The following FOXK2 variants were observed in gnomAD, a reference collection of about 807,000 sequenced individuals.
FOXK2 encodes forkhead box K2.
In FOXK2, 24 loss-of-function variants were observed where a neutral mutation model predicts 53.3. The ratio of observed to expected loss-of-function variants is 0.45; its 90% confidence interval spans 0.33 to 0.63. FOXK2 has a LOEUF of 0.63. Ranked by LOEUF, FOXK2 falls within the 30% of genes least tolerant of loss-of-function variation. The pLI, the probability that FOXK2 is intolerant of heterozygous loss-of-function variation, is 0.03. For missense variants in FOXK2, 952 were observed against 910.5 expected, an observed-to-expected ratio of 1.05 and a Z score of -0.59; for synonymous variants, 505 against 407.1, an observed-to-expected ratio of 1.24 and a Z score of -2.89.
At chr17:82,539,740 G>C (rs911520561) in intron 1 of FOXK2, among the ~76,000 whole-genome samples, 1 of 152,054 alleles carries the variant, frequency 6.6e-6, no homozygotes, top group African/African-American at 2.4e-5. Flanking sequence ...TGAGGTGACT[G>C]GATCACCTGA....
chr17:82,586,676 C>T (rs909625067), intron 7 of FOXK2, among the ~76,000 whole-genome samples: 6 of 151,938 alleles, frequency 3.9e-5, no homozygotes, highest in East Asian at 3.9e-4. Context: ...CTGAGACGGT[C>T]GGATCACCTG....
At chr17:82,589,156 A>C (rs1485503751) in intron 8 of FOXK2, among the ~76,000 whole-genome samples, 1 of 152,200 alleles carries the variant, frequency 6.6e-6, no homozygotes, top group East Asian at 1.9e-4. Context: ...ACTATTGAAA[A>C]TATTGATGTT....
At chr17:82,593,935 C>T (rs1349224139) in intron 8 of FOXK2, 1 of 152,342 alleles carries the variant, frequency 6.6e-6, no homozygotes, top group Non-Finnish European at 1.5e-5. Flanking sequence ...GCAGCGGGAT[C>T]AGGCCACGCG....
At chr17:82,543,437 G>A (rs1019093016) in intron 1 of FOXK2, among the ~76,000 whole-genome samples, 3 of 152,182 alleles carry the variant, frequency 2.0e-5, no homozygotes, top group African/African-American at 4.8e-5. Flanking sequence ...TCAGTGTTGT[G>A]TGAGCACCTG....
At chr17:82,567,314 T>A (rs987184979) in intron 2 of FOXK2, among the ~76,000 whole-genome samples, 1 of 152,226 alleles carries the variant, frequency 6.6e-6, no homozygotes, top group African/African-American at 2.4e-5. Flanking sequence ...GTGCAGAAAA[T>A]GAGGCATGGA....
intron 4 of FOXK2, among the ~76,000 whole-genome samples, chr17:82,577,597 C>T (rs1057351036): frequency 6.6e-6 from 1 of 152,202 alleles, no homozygotes; most frequent in South Asian, 2.1e-4. Flanking sequence ...GCCAAGGTCT[C>T]GGTGACTCCA....
chr17:82,529,822 A>G lies in FOXK2; in HGVS notation c.419+9515A>G, dbSNP rs1439301539. 3.9e-5 allele frequency among the ~76,000 whole-genome samples: 6 copies of G among 152,350 alleles called. No homozygotes were observed. In the East Asian group the frequency reaches 9.6e-4, roughly 24 times the overall value. On this transcript the variant is annotated intron_variant, in intron 1 of 8. Transcript: ENST00000335255. Reference sequence around the variant, plus strand: ...TTGCTATCCCTGGTTGTAAGAAGATACAACTAGGTCCCTTAAGGCAGTAGT... The same window carrying G: ...TTGCTATCCCTGGTTGTAAGAAGATGCAACTAGGTCCCTTAAGGCAGTAGT...
chr17:82,599,711 C>T (rs2045361057), intron 8 of FOXK2: 1 of 152,294 alleles, frequency 6.6e-6, no homozygotes, highest in South Asian at 2.1e-4. Flanking sequence ...TGGCCGGACT[C>T]ACATCCGCTC....
intron 4 of FOXK2, among the ~76,000 whole-genome samples, chr17:82,580,322 A>G (rs112932708): frequency 2.1e-5 from 2 of 95,016 alleles, no homozygotes; most frequent in Non-Finnish European, 2.2e-5. Flanking sequence ...AAGTAGCTCC[A>G]TCCACAGGGC....
At chr17:82,542,627 A>T (rs987258270) in intron 1 of FOXK2, among the ~76,000 whole-genome samples, 3 of 152,146 alleles carry the variant, frequency 2.0e-5, no homozygotes, top group Non-Finnish European at 4.4e-5. Context: ...GCAGAAGGGC[A>T]GTTTTGGTGT....
chr17:82,587,012 T>G, intron 7 of FOXK2, 51 bp from the exon 8 acceptor site: 1 of 1,568,950 alleles, frequency 6.4e-7, no homozygotes, highest in Non-Finnish European at 8.8e-7. Flanking sequence ...TGGCAAGATT[T>G]TTATTTGCTT....
intron 5 of FOXK2, 152 bp downstream of exon 5, chr17:82,583,086 G>A: frequency 1.7e-6 from 1 of 590,098 alleles, no homozygotes; most frequent in Non-Finnish European, 2.7e-6. Context: ...GTTGGGTGCT[G>A]CCCAGGTGTT....
chr17:82,530,073 T>C (rs1309987495), intron 1 of FOXK2, among the ~76,000 whole-genome samples: 1 of 152,232 alleles, frequency 6.6e-6, no homozygotes, highest in East Asian at 1.9e-4. Flanking sequence ...GTGACGTCAT[T>C]GTTAGCACAG....
At position 82,604,186 on chromosome 17, in the gene FOXK2, C is replaced by T. The variant is rs757060372; in HGVS notation, c.*2687C>T. ...GCCCAACTTCTGAGCTCCTCAGGGA[C>T]TAGGAACAATTTCAGTAGCTTTGCC... On this transcript the variant is annotated 3_prime_UTR_variant, in exon 9 of 9. Transcript: ENST00000335255. 1.2e-4 allele frequency: 18 copies of T among 152,234 alleles called. No individual in the cohort carries two copies. The highest frequency in any genetic ancestry group is 2.4e-4 in the Non-Finnish European group (16 of 68,072). 9.4% of individuals were successfully genotyped at this position (152,234 alleles called of 1,614,324 possible).
intron 1 of FOXK2, among the ~76,000 whole-genome samples, chr17:82,537,779 G>A (rs113281103): frequency 1.3e-3 from 193 of 151,862 alleles, no homozygotes; most frequent in African/African-American, 4.3e-3. Flanking sequence ...AAAATTAGCC[G>A]GGCGTGGTGG....
chr17:82,529,546 C>G (rs1410266728), intron 1 of FOXK2, among the ~76,000 whole-genome samples: 1 of 152,070 alleles, frequency 6.6e-6, no homozygotes, highest in Non-Finnish European at 1.5e-5. Context: ...CGTGCCCACT[C>G]CCAGCTAATT....
chr17:82,529,536 C>T (rs56081003), intron 1 of FOXK2, among the ~76,000 whole-genome samples: 26,828 of 151,892 alleles, frequency 0.18, 2,748 homozygotes, highest in Non-Finnish European at 0.24. Context: ...ATTACAGGCG[C>T]GTGCCCACTC....
chr17:82,566,226 TTGTG>T (rs1173368537), intron 2 of FOXK2, among the ~76,000 whole-genome samples: 2 of 151,924 alleles, frequency 1.3e-5, no homozygotes, highest in Non-Finnish European at 2.9e-5. Context: ...AAATTTTATG[TTGTG>T]TGTATTTTAC....
chr17:82,594,495 CA>C (rs67410458), intron 8 of FOXK2, among the ~76,000 whole-genome samples: 16,145 of 116,486 alleles, frequency 0.14, 787 homozygotes, highest in South Asian at 0.16. Flanking sequence ...GAGACTGTCT[CA>C]AAAAAAAAAA....
Sources: gnomAD v4.1 joint callset for allele counts (sites outside exome capture counted in the v4.1 genomes callset) on GRCh38, gnomAD v4.1.1 for gene constraint, MANE v1.5 for transcripts, NCBI Gene and HGNC (gene_info 2026-07-23, HGNC 2026-07-21) for gene names.